The following CDIN1 variants were observed in gnomAD, a reference collection of about 807,000 sequenced individuals.
The protein encoded by CDIN1 is CDAN1-interacting nuclease 1.
CDIN1 carries 33 observed loss-of-function variants against 45.3 expected under a neutral mutation model. That is an observed-to-expected ratio of 0.73 (90% CI 0.55 to 0.97). The LOEUF (loss-of-function observed/expected upper bound fraction) is 0.97, where lower values mean the gene tolerates loss of function less well. Among genes scored for constraint, CDIN1 ranks in the 50% least tolerant of loss-of-function variants. The probability of loss-of-function intolerance (pLI) is 0.00; values close to 1 mark genes in which losing one functional copy is unlikely to be tolerated. For synonymous variants in CDIN1, 118 were observed against 124.4 expected (o/e 0.95, Z 0.34); for missense variants, 303 against 339.4 (o/e 0.89, Z 0.84).
chr15:36,583,783 G>C (rs1226945740), intron 1 of CDIN1, among the ~76,000 whole-genome samples: 1 of 152,194 alleles, frequency 6.6e-6, no homozygotes, highest in African/African-American at 2.4e-5. Context: ...TTGGGAGGCT[G>C]AGGCGGGCAG....
chr15:36,639,642 CA>C (rs2140384653), intron 1 of CDIN1, among the ~76,000 whole-genome samples: 1 of 152,244 alleles, frequency 6.6e-6, no homozygotes, highest in Non-Finnish European at 1.5e-5. Flanking sequence ...ACTGTTTACA[CA>C]GCATTTACAC....
At chr15:36,759,201 A>G (rs56104376) in intron 10 of CDIN1, among the ~76,000 whole-genome samples, 16,738 of 152,102 alleles carry the variant, frequency 0.11, 999 homozygotes, top group Non-Finnish European at 0.14. Context: ...TTGAGGAGTC[A>G]CAGAAGGAGT....
At chr15:36,640,935 G>A (rs749888408) in intron 1 of CDIN1, among the ~76,000 whole-genome samples, 1 of 152,148 alleles carries the variant, frequency 6.6e-6, no homozygotes, top group African/African-American at 2.4e-5. Flanking sequence ...ATAGTACCCC[G>A]TTAATGTTTA....
chr15:36,588,089 A>G (rs1208332716), intron 1 of CDIN1, among the ~76,000 whole-genome samples: 1 of 152,218 alleles, frequency 6.6e-6, no homozygotes, highest in Non-Finnish European at 1.5e-5. Context: ...CTTTGAAACA[A>G]AGTGCAGTAG....
chr15:36,774,133 GGTGTGT>G (rs761451923), intron 10 of CDIN1, among the ~76,000 whole-genome samples: 3 of 138,744 alleles, frequency 2.2e-5, no homozygotes, highest in African/African-American at 5.5e-5. Context: ...AACTGACAGG[GGTGTGT>G]GTGTGTGTGT....
intron 10 of CDIN1, among the ~76,000 whole-genome samples, chr15:36,711,598 T>C (rs2043058567): frequency 6.6e-6 from 1 of 152,212 alleles, no homozygotes; most frequent in South Asian, 2.1e-4. Context: ...ACTTTTACCC[T>C]TCTGGTGATG....
intron 8 of CDIN1, chr15:36,707,492 T>C (rs2042911054): frequency 6.6e-6 from 1 of 152,168 alleles, no homozygotes; most frequent in Admixed American, 6.5e-5. Context: ...TTGTAGATAT[T>C]ATGTTAGTAA....
chr15:36,618,341 G>A, intron 1 of CDIN1: 1 of 678,086 alleles, frequency 1.5e-6, no homozygotes, highest in South Asian at 1.8e-5. Context: ...CAGTAACTGG[G>A]GATTAGGAGC....
intron 10 of CDIN1, among the ~76,000 whole-genome samples, chr15:36,727,485 A>G (rs1348283855): frequency 2.6e-5 from 4 of 152,178 alleles, no homozygotes; most frequent in Non-Finnish European, 5.9e-5. Flanking sequence ...GAAGGCAGCG[A>G]AAAATGTTGT....
chr15:36,701,122 GTAGATAGA>G (rs200063950), intron 8 of CDIN1, among the ~76,000 whole-genome samples: 17,016 of 103,550 alleles, frequency 0.16, 1,252 homozygotes, highest in East Asian at 0.27. Context: ...AGATAGGTAG[GTAGATAGA>G]TAGATAGATA....
intron 5 of CDIN1, among the ~76,000 whole-genome samples, chr15:36,662,775 A>C (rs2041066550): frequency 6.6e-6 from 1 of 151,994 alleles, no homozygotes; most frequent in Non-Finnish European, 1.5e-5. Context: ...AGTTTAGTGG[A>C]ATGTATCATG....
chr15:36,621,448 T>C (rs2039185118), intron 1 of CDIN1, among the ~76,000 whole-genome samples: 1 of 152,244 alleles, frequency 6.6e-6, no homozygotes, highest in Non-Finnish European at 1.5e-5. Flanking sequence ...GGTTGTTTTA[T>C]GACATGGTAT....
intron 10 of CDIN1, among the ~76,000 whole-genome samples, chr15:36,741,066 A>C (rs1247514225): frequency 6.6e-6 from 1 of 152,168 alleles, no homozygotes; most frequent in East Asian, 1.9e-4. Context: ...CATCCCAAGT[A>C]GCTGAGAATA....
chr15:36,743,436 C>T (rs1322028622), intron 10 of CDIN1, among the ~76,000 whole-genome samples: 1 of 152,152 alleles, frequency 6.6e-6, no homozygotes, highest in Non-Finnish European at 1.5e-5. Context: ...TATCAAGTCC[C>T]AACAGTGCAG....
At chr15:36,658,822 G>A (rs994837436) in intron 5 of CDIN1, among the ~76,000 whole-genome samples, 4 of 151,936 alleles carry the variant, frequency 2.6e-5, no homozygotes, top group Non-Finnish European at 5.9e-5. Flanking sequence ...TTTTCCCTTT[G>A]ATTTTCTTTG....
At chr15:36,617,101 G>A (rs775970244) in intron 1 of CDIN1, 16 of 842,126 alleles carry the variant, frequency 1.9e-5, no homozygotes, top group Middle Eastern at 2.2e-4. Flanking sequence ...GTTGTTTTTC[G>A]TGGAGCAGGT....
chr15:36,745,642 T>A (rs1359261545), intron 10 of CDIN1, among the ~76,000 whole-genome samples: 1 of 152,152 alleles, frequency 6.6e-6, no homozygotes, highest in Non-Finnish European at 1.5e-5. Flanking sequence ...TAGAATTGAT[T>A]CATATCAGTT....
intron 1 of CDIN1, chr15:36,618,560 G>C (rs1331621240): frequency 1.1e-5 from 10 of 934,262 alleles, no homozygotes; most frequent in African/African-American, 1.6e-5. Flanking sequence ...AGTTCATCAA[G>C]AATCCCAGAT....
chr15:36,677,285 T>A (rs948140195), intron 5 of CDIN1, among the ~76,000 whole-genome samples: 6 of 152,050 alleles, frequency 3.9e-5, no homozygotes, highest in Non-Finnish European at 7.4e-5. Context: ...AGCATATCTG[T>A]GGCATTAAAA....
Sources: allele counts gnomAD v4.1 joint callset (sites outside exome capture counted in the v4.1 genomes callset), GRCh38; gene constraint gnomAD v4.1.1; transcripts MANE v1.5; gene names NCBI Gene and HGNC (gene_info 2026-07-23, HGNC 2026-07-21).